Variants in IGFBP2 observed in about 807,000 individuals in gnomAD.
IGFBP2 encodes insulin like growth factor binding protein 2, also known as insulin-like growth factor-binding protein 2.
In IGFBP2, 12 loss-of-function variants were observed where a neutral mutation model predicts 26.2. That is an observed-to-expected ratio of 0.46 (90% CI 0.29 to 0.74). The LOEUF is 0.74. Among genes scored for constraint, IGFBP2 ranks in the 30% least tolerant of loss-of-function variants. The probability of loss-of-function intolerance (pLI) is 0.09; values close to 1 mark genes in which losing one functional copy is unlikely to be tolerated. For missense variants in IGFBP2, 328 were observed against 441.2 expected (o/e 0.74, Z 2.30); for synonymous variants, 189 against 200.6 (o/e 0.94, Z 0.49).
chr2:216,660,358 G>C lies in IGFBP2; in HGVS notation c.443-199G>C, dbSNP rs542146269. On this transcript the variant is annotated intron_variant, in intron 1 of 3. Coordinates refer to ENST00000233809, the MANE Select transcript of IGFBP2 (RefSeq NM_000597.3). ...CTGAAAGTTGGGGAGGGTGCTAGTA[G>C]TACCCACCTAAGAGTTAGGGTGAAG... is the stretch of plus-strand genomic sequence containing the variant. Among the ~76,000 whole-genome samples the C allele has an allele frequency of 2.6e-5, 4 of 152,278 alleles. No individual in the cohort carries two copies. In the South Asian group the frequency reaches 8.3e-4, roughly 32 times the overall value.
At chr2:216,649,168 A>G (rs934157179) in intron 1 of IGFBP2, among the ~76,000 whole-genome samples, 1 of 152,220 alleles carries the variant, frequency 6.6e-6, no homozygotes, top group African/African-American at 2.4e-5. Context: ...TGTTTTGTGA[A>G]AATAAATTGA....
intron 1 of IGFBP2, among the ~76,000 whole-genome samples, chr2:216,637,538 G>A (rs1238233558): frequency 6.6e-6 from 1 of 152,232 alleles, no homozygotes; most frequent in Non-Finnish European, 1.5e-5. Flanking sequence ...CATTTACTGT[G>A]ATAAGTCCCT....
intron 1 of IGFBP2, 75 bp downstream of exon 1, chr2:216,634,040 A>G: frequency 6.7e-7 from 1 of 1,493,686 alleles, no homozygotes; most frequent in East Asian, 2.6e-5. Context: ...GCTGGACCTT[A>G]CGGACGGTTT....
chr2:216,659,975 C>T (rs905221648), intron 1 of IGFBP2, among the ~76,000 whole-genome samples: 1 of 152,056 alleles, frequency 6.6e-6, no homozygotes, highest in African/African-American at 2.4e-5. Context: ...GGCGACGTGG[C>T]CTTCCACCTT....
In IGFBP2 at chr2:216,633,531, C is replaced by T. The variant is rs1239386150; in HGVS notation, c.8C>T (p.Pro3Leu). The part of the protein sequence containing the change: ML[P>L]RVGCPALPLP... ...GCGCTGCCGACCGCCAGCATGCTGC[C>T]GAGAGTGGGCTGCCCCGCGCTGCCG... is the stretch of plus-strand genomic sequence containing the variant. The change falls in exon 1 of 4, where the codon CCG becomes CTG. Residue 3 changes from proline to leucine, a missense_variant. Coordinates refer to ENST00000233809, the MANE Select transcript of IGFBP2 (RefSeq NM_000597.3). 1.2e-6 allele frequency: 1 copy of T among 867,414 alleles called. No homozygotes were observed. The highest frequency in any genetic ancestry group is 4.9e-5 in the South Asian group (1 of 20,252). 53.7% of individuals were successfully genotyped at this position (867,414 alleles called of 1,614,324 possible).
chr2:216,661,363 C>T (rs1033967848), intron 2 of IGFBP2: 6 of 281,226 alleles, frequency 2.1e-5, no homozygotes, highest in Non-Finnish European at 3.5e-5. Flanking sequence ...CTCGGCCTCC[C>T]GAAGCGCTGG....
At chr2:216,639,407 C>T (rs1697569052) in intron 1 of IGFBP2, among the ~76,000 whole-genome samples, 1 of 152,034 alleles carries the variant, frequency 6.6e-6, no homozygotes, top group Admixed American at 6.6e-5. Context: ...CAGGTAAATA[C>T]CTATGATGCC....
intron 1 of IGFBP2, among the ~76,000 whole-genome samples, chr2:216,643,781 C>T (rs772170997): frequency 5.3e-5 from 8 of 152,138 alleles, no homozygotes; most frequent in African/African-American, 9.7e-5. Context: ...GGCGTAGACT[C>T]TTGGAGGGCT....
At chr2:216,661,821 C>T (rs780997013) in intron 2 of IGFBP2, 37 bp from the exon 3 acceptor site, 3 of 1,613,084 alleles carry the variant, frequency 1.9e-6, no homozygotes, top group Non-Finnish European at 2.5e-6. Context: ...GGCCTGCTGT[C>T]CTCACTCCGG....
At chr2:216,649,067 T>C (rs1158153927) in intron 1 of IGFBP2, among the ~76,000 whole-genome samples, 1 of 152,240 alleles carries the variant, frequency 6.6e-6, no homozygotes, top group Non-Finnish European at 1.5e-5. Context: ...TAAGCAGACT[T>C]GCATATATGT....
chr2:216,654,798 A>G (rs1163965822), intron 1 of IGFBP2, among the ~76,000 whole-genome samples: 1 of 152,202 alleles, frequency 6.6e-6, no homozygotes, highest in South Asian at 2.1e-4. Flanking sequence ...GCTGAGATCA[A>G]TAAAGAAATG....
chr2:216,662,575 TTAAG>T (rs1228980203), intron 3 of IGFBP2: 1 of 154,358 alleles, frequency 6.5e-6, no homozygotes, highest in Non-Finnish European at 1.4e-5. Context: ...AAAATGAAGT[TTAAG>T]TAAACCACTC....
intron 1 of IGFBP2, among the ~76,000 whole-genome samples, chr2:216,639,435 G>GAATGAAGGAATGAAGGA (rs1303176381): frequency 6.6e-6 from 1 of 152,158 alleles, no homozygotes; most frequent in East Asian, 1.9e-4. Flanking sequence ...ATAGGACAGG[G>GAATGAAGGAATGAAGGA]GGCTGCTGAA....
intron 3 of IGFBP2, 77 bp downstream of exon 3, chr2:216,662,075 C>A: frequency 6.6e-7 from 1 of 1,505,454 alleles, no homozygotes; most frequent in Non-Finnish European, 9.1e-7. Flanking sequence ...TTCTGCCCCA[C>A]CCGCCTATGA....
rs9341179 is a variant in IGFBP2, at chr2:216,654,248, C to T, written c.443-6309C>T. Among the ~76,000 whole-genome samples the T allele has an allele frequency of 7.8e-4, 119 of 152,158 alleles. 1 individual carries two copies. The highest frequency in any genetic ancestry group is 2.4e-3 in the African/African-American group (101 of 41,502). Reference sequence around the variant, plus strand: ...CTTGTCTGACTGAGGGGAGGAGGGGCGCTATGTGGGTACTTCCTGGTAGGC... The same window carrying T: ...CTTGTCTGACTGAGGGGAGGAGGGGTGCTATGTGGGTACTTCCTGGTAGGC... On this transcript the variant is annotated intron_variant, in intron 1 of 3. Transcript: ENST00000233809.
chr2:216,652,287 C>T (rs1456297240), intron 1 of IGFBP2, among the ~76,000 whole-genome samples: 1 of 151,808 alleles, frequency 6.6e-6, no homozygotes, highest in Non-Finnish European at 1.5e-5. Flanking sequence ...GATTCTCCTG[C>T]CTCAGCCTCC....
intron 1 of IGFBP2, 149 bp from the exon 2 acceptor site, chr2:216,660,408 T>G (rs2106206567): frequency 3.3e-6 from 2 of 602,418 alleles, no homozygotes; most frequent in South Asian, 4.2e-5. Context: ...CCATATAAAT[T>G]GCTCAGCACG....
intron 1 of IGFBP2, among the ~76,000 whole-genome samples, chr2:216,639,577 GTTTT>G (rs1336883113): frequency 6.6e-6 from 1 of 150,786 alleles, no homozygotes; most frequent in African/African-American, 2.4e-5. Flanking sequence ...TTTTTTGTTT[GTTTT>G]TTTGTTTTTA....
upstream of IGFBP2, chr2:216,632,975 T>G (rs1362026031): frequency 1.3e-5 from 2 of 152,034 alleles, no homozygotes; most frequent in African/African-American, 4.8e-5. Context: ...TACCCCAGGA[T>G]GGAAGGAGTT....
Sources: allele counts gnomAD v4.1 joint callset (sites outside exome capture counted in the v4.1 genomes callset), GRCh38; gene constraint gnomAD v4.1.1; transcripts MANE v1.5; gene names NCBI Gene and HGNC (gene_info 2026-07-23, HGNC 2026-07-21).